Variants in TMEM67 observed in about 807,000 individuals in gnomAD.
TMEM67 encodes meckelin.
A neutral mutation model predicts 136.6 loss-of-function variants in TMEM67; 124 were observed. The ratio of observed to expected loss-of-function variants is 0.91; its 90% CI spans 0.78 to 1.05. The LOEUF is 1.05. Ranked by LOEUF, TMEM67 falls within the 50% of genes least tolerant of loss-of-function variation. The probability of loss-of-function intolerance (pLI) is 0.00; values close to 1 mark genes in which losing one functional copy is unlikely to be tolerated. For missense variants in TMEM67, 1,107 were observed against 1,178.4 expected (o/e 0.94, Z 0.89); for synonymous variants, 364 against 390.5 (o/e 0.93, Z 0.80).
intron 7 of TMEM67, among the ~76,000 whole-genome samples, chr8:93,779,813 T>A (rs1338733133): frequency 6.6e-6 from 1 of 152,160 alleles, no homozygotes; most frequent in African/African-American, 2.4e-5. Context: ...TGTCTCCCAG[T>A]TAGGCTACAC....
intron 6 of TMEM67, among the ~76,000 whole-genome samples, chr8:93,768,031 A>G (rs1813157804): frequency 6.6e-6 from 1 of 151,044 alleles, no homozygotes; most frequent in South Asian, 2.1e-4. Context: ...ACACCTGGCT[A>G]ATTTTTGTAT....
At chr8:93,776,468 G>T (rs1025538875) in intron 7 of TMEM67, among the ~76,000 whole-genome samples, 1 of 152,170 alleles carries the variant, frequency 6.6e-6, no homozygotes, top group African/African-American at 2.4e-5. Flanking sequence ...TGCCCATTCA[G>T]TATGATATTG....
intron 14 of TMEM67, among the ~76,000 whole-genome samples, chr8:93,790,079 AAAGTC>A: frequency 6.6e-6 from 1 of 152,282 alleles, no homozygotes; most frequent in African/African-American, 2.4e-5. Context: ...AGAAAAAAAA[AAAGTC>A]AAGTCATGAA....
intron 27 of TMEM67, among the ~76,000 whole-genome samples, chr8:93,815,777 G>A (rs955317685): frequency 1.3e-5 from 2 of 152,104 alleles, no homozygotes; most frequent in Non-Finnish European, 2.9e-5. Flanking sequence ...CTCTCCAGAC[G>A]TTAAGTAACA....
intron 20 of TMEM67, among the ~76,000 whole-genome samples, chr8:93,798,228 G>T (rs1397034592): frequency 6.6e-6 from 1 of 152,118 alleles, no homozygotes; most frequent in East Asian, 1.9e-4. Flanking sequence ...GTTTGTATCA[G>T]AATCCCTTGG....
At chr8:93,758,670 G>A in intron 3 of TMEM67, 94 bp downstream of exon 3, 2 of 1,070,696 alleles carry the variant, frequency 1.9e-6, no homozygotes, top group Non-Finnish European at 2.9e-6. Context: ...ATAGTTAAGT[G>A]ATTACTTAAT....
chr8:93,784,780 AG>A (rs1814017633), intron 11 of TMEM67, among the ~76,000 whole-genome samples: 1 of 152,236 alleles, frequency 6.6e-6, no homozygotes, highest in South Asian at 2.1e-4. Context: ...ATAGACTGAT[AG>A]GGAGTAATGA....
Position 93,778,241 on chromosome 8 carries a change from G to A in TMEM67, c.715-2352G>A, listed in dbSNP as rs182398722. Among the ~76,000 whole-genome samples the A allele has an allele frequency of 2.3e-4, 35 of 152,246 alleles. No individual in the cohort carries two copies. In the East Asian group the frequency reaches 4.1e-3, roughly 18 times the overall value. On this transcript the variant is annotated intron_variant, in intron 7 of 27. Coordinates refer to ENST00000453321, the MANE Select transcript of TMEM67 (RefSeq NM_153704.6). ...CTCCATCCCTTTATTTTGAGCCTAT[G>A]TGTGTCTTTGCACGTGAGATGGGTC... is the stretch of plus-strand genomic sequence containing the variant.
At chr8:93,831,374 T>G in the TMEM67 span, among the ~76,000 whole-genome samples, 1 of 152,166 alleles carries the variant, frequency 6.6e-6, no homozygotes, top group African/African-American at 2.4e-5. Flanking sequence ...TGTTGAAAAT[T>G]TTGCCAACAA....
the TMEM67 span, among the ~76,000 whole-genome samples, chr8:93,829,484 TG>T: frequency 6.6e-6 from 1 of 152,116 alleles, no homozygotes; most frequent in African/African-American, 2.4e-5. Flanking sequence ...TCCTGCTCAC[TG>T]GATCTACTCC....
chr8:93,779,147 G>A (rs897760961), intron 7 of TMEM67, among the ~76,000 whole-genome samples: 2 of 151,956 alleles, frequency 1.3e-5, no homozygotes, highest in South Asian at 2.1e-4. Flanking sequence ...TGACCAAATC[G>A]GCTACTGAAG....
intron 2 of TMEM67, among the ~76,000 whole-genome samples, chr8:93,758,187 G>A (rs781368772): frequency 1.3e-5 from 2 of 152,154 alleles, no homozygotes; most frequent in African/African-American, 2.4e-5. Context: ...ATGGAAAAAC[G>A]AAATGACAAA....
In TMEM67 at chr8:93,780,643, G is replaced by A. The variant is rs766153846; in HGVS notation, c.765G>A (p.Met255Ile). 1 of 1,614,100 alleles carries A rather than the reference G, an allele frequency of 6.2e-7. No homozygotes were observed. The change falls in exon 8 of 28, where the codon ATG (methionine) becomes ATA (isoleucine). Residue 255 changes from methionine to isoleucine, a missense_variant. Around this residue, in one of 3 missense-constraint regions of TMEM67, gnomAD observed 925 missense variants for 1,002.4 expected, o/e 0.92. Coordinates refer to ENST00000453321, the MANE Select transcript of TMEM67 (RefSeq NM_153704.6). ...AAGCTCTTGGAAATATGTGTGTGAT[G>A]AACATGAATTCTTACGACTTTGCCA... ...SCQALGNMCV[M>I]NMNSYDFATF...
At chr8:93,759,917 G>T in intron 3 of TMEM67, 1 of 1,497,574 alleles carries the variant, frequency 6.7e-7, no homozygotes, top group South Asian at 1.2e-5. Flanking sequence ...CCAAAGTGCT[G>T]GGATACAGGC....
intron 7 of TMEM67, among the ~76,000 whole-genome samples, chr8:93,776,776 G>C (rs1021346083): frequency 3.6e-4 from 55 of 152,260 alleles, no homozygotes; most frequent in African/African-American, 1.3e-3. Context: ...GAGGATTTTT[G>C]CATCGATGTT....
chr8:93,757,213 G>T (rs1407619611), intron 2 of TMEM67: 1 of 152,032 alleles, frequency 6.6e-6, no homozygotes, highest in Non-Finnish European at 1.5e-5. Flanking sequence ...AAAATAATTT[G>T]TGGCATTATT....
intron 17 of TMEM67, 105 bp from the exon 18 acceptor site, chr8:93,795,796 G>T: frequency 1.2e-6 from 1 of 866,312 alleles, no homozygotes. Flanking sequence ...GCAGCATACT[G>T]AGACCCTCCT....
intron 6 of TMEM67, 47 bp from the exon 7 acceptor site, chr8:93,772,542 T>C: frequency 7.3e-7 from 1 of 1,360,872 alleles, no homozygotes; most frequent in Non-Finnish European, 1.1e-6. Flanking sequence ...AATATGCATA[T>C]TGGAGTCATT....
At position 93,755,488 on chromosome 8, in the gene TMEM67, C is replaced by T. The variant is rs1249791954; in HGVS notation, c.224-290C>T. 3.3e-5 allele frequency among the ~76,000 whole-genome samples: 5 copies of T among 152,094 alleles called. No homozygotes were observed. In the South Asian group the frequency reaches 1.0e-3, roughly 32 times the overall value. ...TAACTAATTTTGTACTCATACTAACCCTGTGAGGTAGGTACCAATTTTTTT... is the reference window on the plus strand; with the variant it reads ...TAACTAATTTTGTACTCATACTAACTCTGTGAGGTAGGTACCAATTTTTTT... On this transcript the variant is annotated intron_variant, in intron 1 of 27. Coordinates refer to ENST00000453321, the MANE Select transcript of TMEM67 (RefSeq NM_153704.6).
Sources: gnomAD v4.1 joint callset for allele counts (sites outside exome capture counted in the v4.1 genomes callset) on GRCh38, gnomAD v4.1.1 for gene constraint, gnomAD v4.1.1 regional missense constraint, MANE v1.5 for transcripts, NCBI Gene and HGNC (gene_info 2026-07-23, HGNC 2026-07-21) for gene names.